PPP2R2C: variants seen among roughly 807,000 people sequenced by gnomAD.
PPP2R2C encodes the protein protein phosphatase 2, regulatory subunit B, gamma.
PPP2R2C carries 10 observed loss-of-function variants against 45.3 expected under a neutral mutation model. The ratio of observed to expected loss-of-function variants is 0.22; its 90% CI spans 0.14 to 0.37. The LOEUF (loss-of-function observed/expected upper bound fraction) is 0.37. Among genes scored for constraint, PPP2R2C ranks in the 10% least tolerant of loss-of-function variants. The probability of loss-of-function intolerance (pLI) is 1.00; values close to 1 mark genes in which losing one functional copy is unlikely to be tolerated. For synonymous variants in PPP2R2C, 257 were observed against 245.4 expected (o/e 1.05, Z -0.44); for missense variants, 308 against 619.7 (o/e 0.50, Z 5.34).
In PPP2R2C at chr4:6,411,459, G is replaced by A. The variant is rs79820833; in HGVS notation, c.71-30365C>T. The stretch of plus-strand genomic sequence containing the variant: ...TTCCTCCCTAGGAAGCCCCTGCTCC[G>A]TGCTAATTCCATTTCTCCCTATACT... On this transcript the variant is annotated intron_variant, in intron 1 of 8. Coordinates refer to ENST00000382599, the MANE Select transcript of PPP2R2C (RefSeq NM_020416.4). 2.7e-3 allele frequency among the ~76,000 whole-genome samples: 411 copies of A among 152,182 alleles called. 1 individual carries two copies. The highest frequency in any genetic ancestry group is 9.4e-3 in the African/African-American group (391 of 41,512).
intron 1 of PPP2R2C, among the ~76,000 whole-genome samples, chr4:6,560,029 C>T (rs1725524123): frequency 6.6e-6 from 1 of 152,236 alleles, no homozygotes; most frequent in African/African-American, 2.4e-5. Flanking sequence ...GATTCCACGT[C>T]AAAATTGACA....
At chr4:6,494,564 G>A (rs1722811921) in intron 2 of PPP2R2C, among the ~76,000 whole-genome samples, 1 of 152,210 alleles carries the variant, frequency 6.6e-6, no homozygotes, top group Admixed American at 6.5e-5. Context: ...CAGAATACAA[G>A]AGGGAGTGAC....
chr4:6,345,685 G>A lies in PPP2R2C; in HGVS notation c.790+2161C>T, dbSNP rs1023066920. On this transcript the variant is annotated intron_variant, in intron 6 of 8. Coordinates refer to ENST00000382599, the MANE Select transcript of PPP2R2C (RefSeq NM_020416.4). This position sits in a 1 kb window ranked among gnomAD's most constrained non-coding sequence, Gnocchi z 5.3. ...CAGAGCCTCCCGAAGGTACCAGCCC[G>A]TGGCACCTTCATTATGGCCAGTGAG... Among the ~76,000 whole-genome samples, 6 of 152,254 alleles carry A rather than the reference G, an allele frequency of 3.9e-5. No homozygotes were observed. The East Asian group carries it at 7.8e-4, about 20-fold the overall frequency.
In PPP2R2C at chr4:6,333,556, G is replaced by A. The variant is rs368166325; in HGVS notation, c.960+6C>T. 9 of 1,611,876 alleles carry A rather than the reference G, an allele frequency of 5.6e-6. No homozygotes were observed. In the African/African-American group the frequency reaches 1.1e-4, roughly 19 times the overall value. On this transcript the variant is annotated splice_donor_region_variant and intron_variant, in intron 7 of 8. Transcript: ENST00000382599. ...GGGATTGGGGGTCTCCTGCTGTGGT[G>A]CCCACCTGGTAGGTCTCTATGGGTC...
intron 2 of PPP2R2C, among the ~76,000 whole-genome samples, chr4:6,509,857 G>A (rs1322112382): frequency 1.3e-5 from 2 of 152,142 alleles, no homozygotes; most frequent in African/African-American, 2.4e-5. Flanking sequence ...CCGACTCCAC[G>A]CAATGCACAT....
At chr4:6,538,253 G>A (rs902080957) in intron 1 of PPP2R2C, among the ~76,000 whole-genome samples, 20 of 152,196 alleles carry the variant, frequency 1.3e-4, no homozygotes, top group African/African-American at 3.4e-4. Context: ...CAGCTGGGGC[G>A]TCAGATTTGG....
chr4:6,389,645 G>A (rs1213668504), intron 1 of PPP2R2C, among the ~76,000 whole-genome samples: 3 of 152,168 alleles, frequency 2.0e-5, no homozygotes, highest in African/African-American at 7.2e-5. Flanking sequence ...CAGGTCCAGC[G>A]GGGTGACGTG....
intron 2 of PPP2R2C, among the ~76,000 whole-genome samples, chr4:6,496,725 G>A (rs1156662872): frequency 6.6e-6 from 1 of 152,124 alleles, no homozygotes; most frequent in East Asian, 1.9e-4. Flanking sequence ...GCCAGGTGTG[G>A]TGGTGCATGC....
rs191312827 is a variant in PPP2R2C at position 6,324,536 on chromosome 4, T to C, written c.1053-943A>G. On this transcript the variant is annotated intron_variant, in intron 8 of 8. Coordinates refer to ENST00000382599, the MANE Select transcript of PPP2R2C (RefSeq NM_020416.4). This position sits in a 1 kb window ranked among gnomAD's most constrained non-coding sequence, Gnocchi z 4.1. The stretch of plus-strand genomic sequence containing the variant: ...CAGACTGTGCAACCACAGCAGGAGG[T>C]AGACATGGAAGCAGCTGGGACAGAA... Among the ~76,000 whole-genome samples, 242 of 151,752 alleles carry C rather than the reference T, an allele frequency of 1.6e-3. 1 individual carries two copies. Among genetic ancestry groups the C allele is most frequent in the African/African-American group, 5.6e-3 (231 of 41,336 alleles).
At chr4:6,461,799 T>G (rs1306842981) in intron 1 of PPP2R2C, among the ~76,000 whole-genome samples, 2 of 152,220 alleles carry the variant, frequency 1.3e-5, no homozygotes, top group African/African-American at 4.8e-5. Context: ...GGTCCTGCTG[T>G]ATGTAGTGAC....
chr4:6,431,735 T>A (rs1451273001), intron 1 of PPP2R2C, among the ~76,000 whole-genome samples: 1 of 152,154 alleles, frequency 6.6e-6, no homozygotes, highest in Non-Finnish European at 1.5e-5. Flanking sequence ...ACCCTGGACC[T>A]CTAAGACCCC....
intron 5 of PPP2R2C, among the ~76,000 whole-genome samples, chr4:6,351,892 T>C (rs1340919544): frequency 2.6e-5 from 4 of 152,128 alleles, no homozygotes; most frequent in Admixed American, 1.3e-4. Context: ...CAGGTGGCCA[T>C]AGGACCTACC....
chr4:6,507,459 G>A (rs1723275552), intron 2 of PPP2R2C, among the ~76,000 whole-genome samples: 1 of 152,248 alleles, frequency 6.6e-6, no homozygotes, highest in African/African-American at 2.4e-5. Context: ...CTTGCCCTCT[G>A]GCAGCCCTGG....
chr4:6,425,836 T>C (rs1455301796), intron 1 of PPP2R2C, among the ~76,000 whole-genome samples: 1 of 149,954 alleles, frequency 6.7e-6, no homozygotes, highest in Non-Finnish European at 1.5e-5. Context: ...TGTGTGTGTG[T>C]GGTGTGTGTG....
At chr4:6,419,350 C>T (rs139535686) in intron 1 of PPP2R2C, among the ~76,000 whole-genome samples, 166 of 151,998 alleles carry the variant, frequency 1.1e-3, no homozygotes, top group African/African-American at 3.8e-3. Context: ...CGCTTGAACC[C>T]GGGAGGCAGT....
Position 6,347,415 on chromosome 4 carries a change from C to G in PPP2R2C, c.790+431G>C, listed in dbSNP as rs114394680. On this transcript the variant is annotated intron_variant, in intron 6 of 8. Transcript: ENST00000382599. ...TGTTACAGACCCTGCTCCAAGGAGC[C>G]GGAGAAGATGGGCAGCCCACAGCAA... Among the ~76,000 whole-genome samples, 3 of 152,142 alleles carry G rather than the reference C, an allele frequency of 2.0e-5. No individual in the cohort carries two copies. The East Asian group carries it at 5.8e-4, about 29-fold the overall frequency.
intron 2 of PPP2R2C, among the ~76,000 whole-genome samples, chr4:6,518,922 TAAAAAAAAAAAAAAAAAAAA>T (rs56002128): frequency 1.5e-4 from 14 of 92,920 alleles, no homozygotes; most frequent in Admixed American, 3.1e-4. Flanking sequence ...GACTCTGTCT[TAAAAAAAAAAAAAAAAAAAA>T]AAAAAAAAAA....
intron 4 of PPP2R2C, among the ~76,000 whole-genome samples, chr4:6,374,042 C>T (rs1351335557): frequency 7.3e-6 from 1 of 137,672 alleles, no homozygotes; most frequent in Admixed American, 7.5e-5. Flanking sequence ...GTGACTCCTC[C>T]AAGGCATCCT....
chr4:6,394,023 T>G (rs561077012), intron 1 of PPP2R2C, among the ~76,000 whole-genome samples: 1 of 152,230 alleles, frequency 6.6e-6, no homozygotes, highest in Non-Finnish European at 1.5e-5. Flanking sequence ...ACATGCTCCC[T>G]GCCTTCCTTC....
Sources: allele counts gnomAD v4.1 joint callset (sites outside exome capture counted in the v4.1 genomes callset), GRCh38; gene constraint gnomAD v4.1.1; non-coding constraint Gnocchi (gnomAD v3.1); transcripts MANE v1.5; gene names NCBI Gene and HGNC (gene_info 2026-07-23, HGNC 2026-07-21).